Variants in FASTKD2 observed in about 807,000 individuals in gnomAD.
The protein encoded by FASTKD2 is FAST kinase domain-containing protein 2, mitochondrial.
FASTKD2 carries 51 observed loss-of-function variants against 63.6 expected under a neutral mutation model. The ratio of observed to expected loss-of-function variants is 0.80; its 90% confidence interval spans 0.64 to 1.01. The LOEUF (loss-of-function observed/expected upper bound fraction) is 1.01, where lower values mean the gene tolerates loss of function less well. FASTKD2 is among the 50% of genes least tolerant of loss of function. The pLI is 0.00. For missense variants in FASTKD2, 786 were observed against 831.1 expected, an observed-to-expected ratio of 0.95 and a Z score of 0.67; for synonymous variants, 284 against 293.4, an observed-to-expected ratio of 0.97 and a Z score of 0.33.
At chr2:206,788,400 A>G (rs1397046516) in intron 9 of FASTKD2, among the ~76,000 whole-genome samples, 7 of 152,066 alleles carry the variant, frequency 4.6e-5, no homozygotes, top group Admixed American at 2.0e-4. Flanking sequence ...AGCTACTGCT[A>G]TTATCATTAT....
In FASTKD2 at chr2:206,776,747, C is replaced by G. The variant is rs143826692; in HGVS notation, c.1427+2350C>G. On this transcript the variant is annotated intron_variant, in intron 7 of 11. Coordinates refer to ENST00000402774, the MANE Select transcript of FASTKD2 (RefSeq NM_001136193.2). ...ATCAGGAAGTGTGATACTTCTAGCT[C>G]TGTTCTTTTTCAAAATTGCTTTGGC... 2.0e-3 allele frequency among the ~76,000 whole-genome samples: 301 copies of G among 152,102 alleles called. 1 individual carries two copies. Among genetic ancestry groups the G allele is most frequent in the Middle Eastern group, 0.01 (3 of 294 alleles).
chr2:206,776,910 A>G (rs925439521), intron 7 of FASTKD2, among the ~76,000 whole-genome samples: 2 of 152,092 alleles, frequency 1.3e-5, no homozygotes, highest in Admixed American at 6.5e-5. Context: ...TAACAGGATT[A>G]AGTCTTTCAA....
At chr2:206,786,081 A>G (rs984942983) in intron 7 of FASTKD2, among the ~76,000 whole-genome samples, 2 of 152,126 alleles carry the variant, frequency 1.3e-5, no homozygotes, top group African/African-American at 4.8e-5. Flanking sequence ...TTATATAACT[A>G]TATGTATCAT....
chr2:206,771,786 T>G, intron 4 of FASTKD2, 108 bp from the exon 5 acceptor site: 2 of 874,948 alleles, frequency 2.3e-6, no homozygotes, highest in Non-Finnish European at 3.6e-6. Flanking sequence ...CCTGGGAGGT[T>G]GAGGCTCCAA....
intron 7 of FASTKD2, among the ~76,000 whole-genome samples, chr2:206,781,879 C>T (rs920307555): frequency 9.9e-5 from 15 of 151,870 alleles, no homozygotes; most frequent in Non-Finnish European, 1.6e-4. Context: ...TGGTTTCGTC[C>T]GCTCTCCTTG....
At chr2:206,786,526 A>G (rs1690141717) in intron 7 of FASTKD2, 1 of 553,876 alleles carries the variant, frequency 1.8e-6, no homozygotes, top group Non-Finnish European at 3.3e-6. Flanking sequence ...AATGAGTTAA[A>G]GTCTATAAAA....
intron 2 of FASTKD2, among the ~76,000 whole-genome samples, chr2:206,769,518 G>A (rs1322454882): frequency 2.0e-5 from 3 of 152,190 alleles, no homozygotes; most frequent in African/African-American, 7.2e-5. Flanking sequence ...TAAGTAAAGG[G>A]ACCTGAAAGA....
At position 206,766,664 on chromosome 2, in the gene FASTKD2, T is replaced by A. The variant is rs145438423; in HGVS notation, c.-30T>A. The A allele has an allele frequency of 1.2e-6, 2 of 1,600,410 alleles. No homozygotes were observed. The highest frequency in any genetic ancestry group is 1.1e-5 in the South Asian group (1 of 90,766). On this transcript the variant is annotated 5_prime_UTR_variant, in exon 2 of 12. Transcript: ENST00000402774. ...TACAGGAAAACGACAGCACGTGTTC[T>A]TTTTCACTAGTAGAAGTGACGTTGG...
In FASTKD2 at chr2:206,767,258, T is replaced by C; in HGVS notation, c.565T>C (p.Trp189Arg). Residue 189 changes from tryptophan (W) to arginine (R), a missense_variant, in exon 2 of 12, where the codon TGG becomes CGG. Coordinates refer to ENST00000402774, the MANE Select transcript of FASTKD2 (RefSeq NM_001136193.2). ...FPSSNYFTAM[W>R]TIAKRLSDDQ... ...TAGTAGCAACTATTTCACAGCAATGTGGACAATTGCCAAAAGACTGTCTGA... is the reference window on the plus strand; with the variant it reads ...TAGTAGCAACTATTTCACAGCAATGCGGACAATTGCCAAAAGACTGTCTGA... The C allele has an allele frequency of 6.2e-7, 1 of 1,614,216 alleles. No homozygotes were observed. The highest frequency in any genetic ancestry group is 8.5e-7 in the Non-Finnish European group (1 of 1,180,014).
intron 7 of FASTKD2, among the ~76,000 whole-genome samples, chr2:206,786,219 CTG>C (rs1690135053): frequency 6.6e-6 from 1 of 152,204 alleles, no homozygotes; most frequent in African/African-American, 2.4e-5. Context: ...CCACGTTATA[CTG>C]TGTACCATTA....
rs757769937 is a variant in FASTKD2 at position 206,786,795 on chromosome 2, A to G, written c.1490A>G (p.Asn497Ser). ...TGYLHTISSE[N>S]LLDAVYSFCL... ...TATCTTCACACTATTTCTTCTGAAA[A>G]CTTATTGGATGCAGTATATTCATTT... The change falls in exon 8 of 12, where the codon AAC becomes AGC. Residue 497 changes from asparagine to serine, a missense_variant. Physicochemically the swap from Asn to Ser is conservative, Grantham distance 46. Transcript: ENST00000402774. 3.2e-5 allele frequency: 51 copies of G among 1,613,552 alleles called. No homozygotes were observed. The highest frequency in any genetic ancestry group is 4.2e-5 in the Non-Finnish European group (50 of 1,179,622).
rs746695830 is a variant in FASTKD2, at chr2:206,794,100, C to T, written c.*2298C>T. On this transcript the variant is annotated 3_prime_UTR_variant, in exon 12 of 12. Transcript: ENST00000402774. ...TAAACTGCATATATTTAAAGTGTAC[C>T]GTTAGGTCAGTTTTGACGTACATAC... Among the ~76,000 whole-genome samples, 19 of 151,320 alleles carry T rather than the reference C, an allele frequency of 1.3e-4. No homozygotes were observed. The highest frequency in any genetic ancestry group is 3.3e-4 in the Admixed American group (5 of 15,232).
intron 7 of FASTKD2, among the ~76,000 whole-genome samples, chr2:206,780,203 A>G (rs55670419): frequency 0.031 from 4,705 of 152,206 alleles, 242 homozygotes; most frequent in African/African-American, 0.11. Context: ...TGCCTTTACT[A>G]GTGAGTTTTA....
chr2:206,772,106 T>A, intron 5 of FASTKD2, 75 bp from the exon 6 acceptor site: 2 of 1,594,634 alleles, frequency 1.3e-6, no homozygotes, highest in South Asian at 2.2e-5. Context: ...TGCTTTTATA[T>A]GAAAAAAGAA....
chr2:206,786,476 G>C, intron 7 of FASTKD2: 1 of 438,650 alleles, frequency 2.3e-6, no homozygotes, highest in Non-Finnish European at 4.2e-6. Context: ...TAAATGAGGA[G>C]AATAATAGTA....
At chr2:206,780,116 G>GT (rs140823636) in intron 7 of FASTKD2, among the ~76,000 whole-genome samples, 13,949 of 152,060 alleles carry the variant, frequency 0.092, 744 homozygotes, top group East Asian at 0.2. Flanking sequence ...ATTCTTGATA[G>GT]TTTTTTTAAC....
chr2:206,780,591 G>A (rs1332290518), intron 7 of FASTKD2, among the ~76,000 whole-genome samples: 1 of 152,072 alleles, frequency 6.6e-6, no homozygotes, highest in Non-Finnish European at 1.5e-5. Flanking sequence ...CTTAATGTAT[G>A]TTTCTTTGGA....
chr2:206,788,461 C>T (rs35535884), intron 9 of FASTKD2, among the ~76,000 whole-genome samples: 28,048 of 151,958 alleles, frequency 0.18, 3,270 homozygotes, highest in Non-Finnish European at 0.25. Flanking sequence ...GGGCTGGTCA[C>T]GGTGGCACAC....
intron 6 of FASTKD2, 121 bp downstream of exon 6, chr2:206,772,441 G>A: frequency 9.5e-7 from 1 of 1,047,756 alleles, no homozygotes; most frequent in Admixed American, 2.2e-5. Flanking sequence ...TTCCAATGCT[G>A]AATTGACTTT....
Sources: allele counts gnomAD v4.1 joint callset (sites outside exome capture counted in the v4.1 genomes callset), GRCh38; gene constraint gnomAD v4.1.1; transcripts MANE v1.5; gene names NCBI Gene and HGNC (gene_info 2026-07-23, HGNC 2026-07-21).